The following DUSP10 variants were observed in gnomAD, a reference collection of about 807,000 sequenced individuals.
DUSP10 encodes dual specificity protein phosphatase 10.
In DUSP10, 14 loss-of-function variants were observed where a neutral mutation model predicts 30.8. The ratio of observed to expected loss-of-function variants is 0.46; its 90% CI spans 0.30 to 0.71. DUSP10 has a LOEUF of 0.71. Among genes scored for constraint, DUSP10 ranks in the 30% least tolerant of loss-of-function variants. The probability of loss-of-function intolerance (pLI) is 0.08; values close to 1 mark genes in which losing one functional copy is unlikely to be tolerated. For missense variants in DUSP10, 550 were observed against 619.4 expected (o/e 0.89, Z 1.19); for synonymous variants, 254 against 250.4 (o/e 1.01, Z -0.14).
Position 221,739,161 on chromosome 1 carries a change from T to C in DUSP10, c.584A>G (p.Asn195Ser). Residue 195 changes from asparagine (N) to serine (S), a missense_variant, in exon 2 of 4, where the codon AAC becomes AGC. Transcript: ENST00000366899. ...KSHIQGAVHI[N>S]CADKISRRRL... ...CCGCCGGCTGATCTTATCGGCACAG[T>C]TAATGTGGACAGCTCCTTGGATGTG... 6.2e-7 allele frequency: 1 copy of C among 1,614,214 alleles called. No homozygotes were observed. Among genetic ancestry groups the C allele is most frequent in the South Asian group, 1.1e-5 (1 of 91,086 alleles).
intron 2 of DUSP10, among the ~76,000 whole-genome samples, chr1:221,723,790 A>G (rs956957047): frequency 3.3e-5 from 5 of 152,224 alleles, no homozygotes; most frequent in Admixed American, 1.3e-4. Flanking sequence ...TGACACAGCA[A>G]TGTGTTCACT....
chr1:221,707,018 C>T (rs1048817813), intron 2 of DUSP10, among the ~76,000 whole-genome samples: 1 of 152,156 alleles, frequency 6.6e-6, no homozygotes, highest in Non-Finnish European at 1.5e-5. Flanking sequence ...ATCTGGGTAC[C>T]ATCATTTCCT....
At position 221,712,491 on chromosome 1, in the gene DUSP10, C is replaced by A. The variant is rs188426375; in HGVS notation, c.812-6025G>T. ...TGTGGTCTGGCTTACATGTGAGATGCCTTATGTTTGAAAAGACATAAACAA... is the reference window on the plus strand; with the variant it reads ...TGTGGTCTGGCTTACATGTGAGATGACTTATGTTTGAAAAGACATAAACAA... On this transcript the variant is annotated intron_variant, in intron 2 of 3. Coordinates refer to ENST00000366899, the MANE Select transcript of DUSP10 (RefSeq NM_007207.6). 4.6e-3 allele frequency among the ~76,000 whole-genome samples: 707 copies of A among 152,182 alleles called. 8 individuals carry two copies. Among genetic ancestry groups the A allele is most frequent in the East Asian group, 4.6e-3 (24 of 5,170 alleles).
intron 2 of DUSP10, among the ~76,000 whole-genome samples, chr1:221,735,202 C>T (rs979709388): frequency 5.9e-5 from 9 of 152,152 alleles, no homozygotes; most frequent in Admixed American, 5.9e-4. Context: ...TGGTACAGAG[C>T]AGTCCTATAA....
chr1:221,711,223 A>G (rs2102620507), intron 2 of DUSP10, among the ~76,000 whole-genome samples: 1 of 152,358 alleles, frequency 6.6e-6, no homozygotes, highest in African/African-American at 2.4e-5. Context: ...GCAGTCCTAG[A>G]AACAGAAGAG....
chr1:221,715,773 T>C (rs536455400), intron 2 of DUSP10, among the ~76,000 whole-genome samples: 41 of 152,320 alleles, frequency 2.7e-4, no homozygotes, highest in African/African-American at 9.4e-4. Flanking sequence ...AGATGACTTT[T>C]ATGTGAGCAG....
In DUSP10 at chr1:221,739,407, G is replaced by A. The variant is rs749886489; in HGVS notation, c.338C>T (p.Pro113Leu). ...ATTATTGTTGACCATCTGGTTAGCA[G>A]GGCAGGTGGTAGAGGTTCCGATGGC... is the stretch of plus-strand genomic sequence containing the variant. ...TTAIGTSTTCPANQMVNNNEN... is the reference protein window; with the variant it reads ...TTAIGTSTTCLANQMVNNNEN... The change falls in exon 2 of 4, where the codon CCT (proline) becomes CTT (leucine). Residue 113 changes from proline (P) to leucine (L), a missense_variant. Physicochemically the swap from Pro to Leu is moderately conservative, Grantham distance 98 (BLOSUM62 -3). Transcript: ENST00000366899. 60 of 1,614,214 alleles carry A rather than the reference G, an allele frequency of 3.7e-5. No individual in the cohort carries two copies. Among genetic ancestry groups the A allele is most frequent in the Non-Finnish European group, 4.8e-5 (57 of 1,180,046 alleles).
At chr1:221,733,514 G>A (rs1661676376) in intron 2 of DUSP10, among the ~76,000 whole-genome samples, 1 of 152,188 alleles carries the variant, frequency 6.6e-6, no homozygotes, top group Non-Finnish European at 1.5e-5. Flanking sequence ...ATACTTAACA[G>A]GCTCCCACAG....
rs560820940 is a variant in DUSP10 at position 221,736,911 on chromosome 1, C to T, written c.811+2023G>A. 2.3e-5 allele frequency: 23 copies of T among 985,498 alleles called. No individual in the cohort carries two copies. The African/African-American group carries it at 3.8e-4, about 16-fold the overall frequency. The allele number at this position is 985,498 out of a possible 1,614,324, so 61.0% of individuals were successfully genotyped here. A position where few individuals can be genotyped will look rare whatever the true frequency, so the allele number is the denominator to read the frequency against. On this transcript the variant is annotated intron_variant, in intron 2 of 3. Transcript: ENST00000366899. ...CACCAACTCGAAAATGACGAGGCCT[C>T]GCAGTGGCTGCCCAGGGCGCCCAGT... is the stretch of plus-strand genomic sequence containing the variant.
intron 2 of DUSP10, among the ~76,000 whole-genome samples, chr1:221,729,121 T>A (rs532264240): frequency 1.3e-5 from 2 of 152,342 alleles, no homozygotes; most frequent in Non-Finnish European, 2.9e-5. Flanking sequence ...AAGAAATACT[T>A]CATATATGTT....
chr1:221,710,119 T>C (rs1049256161), intron 2 of DUSP10, among the ~76,000 whole-genome samples: 1 of 152,178 alleles, frequency 6.6e-6, no homozygotes, highest in Non-Finnish European at 1.5e-5. Flanking sequence ...ATCAGGGTCA[T>C]AGTTCAGGAA....
At chr1:221,736,856 G>C in intron 2 of DUSP10, 3 of 985,420 alleles carry the variant, frequency 3.0e-6, no homozygotes, top group Non-Finnish European at 3.6e-6. Flanking sequence ...TACCACCAGA[G>C]CATCTTCCAA....
Position 221,702,653 on chromosome 1 carries a change from C to T in DUSP10, c.1208G>A (p.Gly403Glu). The T allele has an allele frequency of 6.2e-7, 1 of 1,614,044 alleles. No individual in the cohort carries two copies. The highest frequency in any genetic ancestry group is 8.5e-7 in the Non-Finnish European group (1 of 1,180,004). The change falls in exon 4 of 4, where the codon GGG (glycine) becomes GAG (glutamate). Residue 403 changes from glycine (G) to glutamate (E), a missense_variant. Gly to Glu is a moderately conservative substitution (Grantham distance 98, BLOSUM62 -2). Transcript: ENST00000366899. This position sits in a 1 kb window ranked among gnomAD's most constrained non-coding sequence, Gnocchi z 4.5. ...FIEEAHQCGK[G>E]LLIHCQAGVS... ...CCCAGCCTGGCAGTGGATGAGAAGCCCCTTCCCACACTGGTGAGCTTCCTC... is the reference window on the plus strand; with the variant it reads ...CCCAGCCTGGCAGTGGATGAGAAGCTCCTTCCCACACTGGTGAGCTTCCTC...
chr1:221,717,612 C>G (rs973136591), intron 2 of DUSP10, among the ~76,000 whole-genome samples: 3 of 152,142 alleles, frequency 2.0e-5, no homozygotes, highest in African/African-American at 7.2e-5. Flanking sequence ...CATATTCAAA[C>G]ACACACACAA....
intron 2 of DUSP10, among the ~76,000 whole-genome samples, chr1:221,713,670 C>T (rs969653544): frequency 6.6e-6 from 1 of 152,142 alleles, no homozygotes; most frequent in Non-Finnish European, 1.5e-5. Flanking sequence ...ATTATTAATA[C>T]ATATTCTTTT....
intron 3 of DUSP10, among the ~76,000 whole-genome samples, chr1:221,705,162 T>G (rs1571805635): frequency 6.7e-6 from 1 of 149,556 alleles, no homozygotes; most frequent in African/African-American, 2.5e-5. Flanking sequence ...CAGGCTGGAG[T>G]GCAGTGGCGT....
intron 1 of DUSP10, among the ~76,000 whole-genome samples, chr1:221,741,324 G>A (rs1376459516): frequency 6.6e-6 from 1 of 152,162 alleles, no homozygotes; most frequent in Non-Finnish European, 1.5e-5. Context: ...ACACGTCCAG[G>A]ATCAACATAC....
chr1:221,738,855 A>T, intron 2 of DUSP10, 79 bp downstream of exon 2: 3 of 1,504,072 alleles, frequency 2.0e-6, no homozygotes, highest in Non-Finnish European at 2.7e-6. Context: ...GGGTAAGGAG[A>T]ATGCTGTCAC....
chr1:221,727,454 A>G (rs1198746535), intron 2 of DUSP10, among the ~76,000 whole-genome samples: 1 of 152,222 alleles, frequency 6.6e-6, no homozygotes, highest in African/African-American at 2.4e-5. Flanking sequence ...CTGGATAAGT[A>G]ATCAGTTTCT....
Sources: gnomAD v4.1 joint callset for allele counts (sites outside exome capture counted in the v4.1 genomes callset) on GRCh38, gnomAD v4.1.1 for gene constraint, Gnocchi (gnomAD v3.1) non-coding constraint, MANE v1.5 for transcripts, NCBI Gene and HGNC (gene_info 2026-07-23, HGNC 2026-07-21) for gene names.